Variants in AAK1 observed in about 807,000 individuals in gnomAD.
The protein encoded by AAK1 is AP2-associated protein kinase 1.
Under a neutral mutation model 116.0 loss-of-function variants are expected in AAK1, and 37 were observed. The observed-to-expected ratio is 0.32, with a 90% CI of 0.25 to 0.42. AAK1 has a LOEUF of 0.42. Ranked by LOEUF, AAK1 falls within the 10% of genes least tolerant of loss-of-function variation. The pLI, the probability that AAK1 is intolerant of heterozygous loss-of-function variation, is 1.00. For synonymous variants in AAK1, 458 were observed against 439.9 expected (o/e 1.04, Z -0.51); for missense variants, 919 against 1,170.6 (o/e 0.79, Z 3.14).
At chr2:69,594,384 T>C (rs77119032) in intron 2 of AAK1, among the ~76,000 whole-genome samples, 6,707 of 152,276 alleles carry the variant, frequency 0.044, 405 homozygotes, top group East Asian at 0.16. Context: ...AGAAAACGTA[T>C]CAAAATTTGA....
chr2:69,485,763 C>A lies in AAK1; in HGVS notation c.2366-2951G>T, dbSNP rs1390360112. On this transcript the variant is annotated intron_variant, in intron 17 of 21. Transcript: ENST00000409085. ...GCAACCTCCCTCTCCCATGTTCAAG[C>A]GATTCTCCTGCCTCAGTCTCCAGTA... is the stretch of plus-strand genomic sequence containing the variant. 2.0e-5 allele frequency among the ~76,000 whole-genome samples: 3 copies of A among 151,436 alleles called. No individual in the cohort carries two copies. In the East Asian group the frequency reaches 5.8e-4, roughly 29 times the overall value.
chr2:69,541,129 A>G (rs542780330), intron 5 of AAK1, among the ~76,000 whole-genome samples: 1 of 152,032 alleles, frequency 6.6e-6, no homozygotes, highest in Non-Finnish European at 1.5e-5. Flanking sequence ...TAATGGATAC[A>G]GGGTTTCTTT....
At chr2:69,491,509 A>G (rs1487999334) in intron 17 of AAK1, among the ~76,000 whole-genome samples, 1 of 152,182 alleles carries the variant, frequency 6.6e-6, no homozygotes, top group African/African-American at 2.4e-5. Context: ...CCAACCTACA[A>G]TTATCCAGTG....
At chr2:69,624,827 A>T (rs1025282381) in intron 2 of AAK1, among the ~76,000 whole-genome samples, 4 of 152,230 alleles carry the variant, frequency 2.6e-5, no homozygotes, top group Non-Finnish European at 4.4e-5. Context: ...TTCCATAAAT[A>T]GAAATGGAAT....
intron 16 of AAK1, 63 bp from the exon 17 acceptor site, chr2:69,496,143 C>A: frequency 8.5e-7 from 1 of 1,181,584 alleles, no homozygotes; most frequent in Non-Finnish European, 1.2e-6. Context: ...GCAATAACAC[C>A]AAGTAAATCT....
intron 2 of AAK1, 41 bp from the exon 3 acceptor site, chr2:69,557,019 C>G (rs758473453): frequency 1.3e-6 from 2 of 1,510,480 alleles, no homozygotes; most frequent in South Asian, 2.3e-5. Flanking sequence ...AGTCAATGTT[C>G]AAAAAGTCAG....
At chr2:69,491,279 T>C (rs1234852996) in intron 17 of AAK1, among the ~76,000 whole-genome samples, 1 of 152,104 alleles carries the variant, frequency 6.6e-6, no homozygotes, top group Non-Finnish European at 1.5e-5. Flanking sequence ...GTACTACTTA[T>C]AGCTTATCTG....
chr2:69,493,051 A>G (rs1373279168), intron 17 of AAK1, among the ~76,000 whole-genome samples: 1 of 150,968 alleles, frequency 6.6e-6, no homozygotes, highest in Non-Finnish European at 1.5e-5. Context: ...AAAAGGATGC[A>G]GTAAGGCTGA....
At chr2:69,590,346 A>G (rs2105168578) in intron 2 of AAK1, among the ~76,000 whole-genome samples, 1 of 152,364 alleles carries the variant, frequency 6.6e-6, no homozygotes, top group South Asian at 2.1e-4. Context: ...ATTAAAGCAG[A>G]GGACACTGGG....
Position 69,473,565 on chromosome 2 carries a change from G to A in AAK1, c.*2304C>T, listed in dbSNP as rs199525884. Reference sequence around the variant, plus strand: ...TCTAGTCTGCTCATTTTCATTAACTGCCTCCATTAAGCTTTACTGAGCCAA... The same window carrying A: ...TCTAGTCTGCTCATTTTCATTAACTACCTCCATTAAGCTTTACTGAGCCAA... On this transcript the variant is annotated 3_prime_UTR_variant, in exon 22 of 22. Coordinates refer to ENST00000409085, the MANE Select transcript of AAK1 (RefSeq NM_014911.5). 3.9e-5 allele frequency: 38 copies of A among 985,196 alleles called. No homozygotes were observed. The highest frequency in any genetic ancestry group is 5.2e-4 in the Middle Eastern group (1 of 1,914). The allele number at this position is 985,196 out of a possible 1,614,324, so 61.0% of individuals were successfully genotyped here.
chr2:69,544,846 G>C (rs1454401851), intron 3 of AAK1, among the ~76,000 whole-genome samples: 1 of 152,166 alleles, frequency 6.6e-6, no homozygotes, highest in East Asian at 1.9e-4. Context: ...TAGAAGCAAA[G>C]ACTCCCCTCT....
rs1396877968 is a variant in AAK1 at position 69,518,939 on chromosome 2, C to T, written c.1497+15G>A. 6.5e-7 allele frequency: 1 copy of T among 1,530,578 alleles called. No individual in the cohort carries two copies. The highest frequency in any genetic ancestry group is 2.5e-5 in the East Asian group (1 of 40,712). The allele number at this position is 1,530,578 out of a possible 1,614,324, so 94.8% of individuals were successfully genotyped here. On this transcript the variant is annotated intron_variant, in intron 12 of 21. Transcript: ENST00000409085. ...CTCAGATATGCAAGCAAGGGCCACA[C>T]TCTGACCACCTTACCTGCTGAGTCT...
chr2:69,560,182 T>C (rs1671573949), intron 2 of AAK1, among the ~76,000 whole-genome samples: 1 of 152,246 alleles, frequency 6.6e-6, no homozygotes, highest in African/African-American at 2.4e-5. Flanking sequence ...CTAAAGATGT[T>C]GGTCACTATC....
chr2:69,526,250 G>A (rs1199886093), intron 9 of AAK1, among the ~76,000 whole-genome samples: 1 of 152,158 alleles, frequency 6.6e-6, no homozygotes, highest in Non-Finnish European at 1.5e-5. Flanking sequence ...TCTGACTCAA[G>A]CTTATTAGTA....
rs1558879177 is a variant in AAK1, at chr2:69,463,577, T to C, written c.*12292A>G. On this transcript the variant is annotated 3_prime_UTR_variant, in exon 22 of 22. Transcript: ENST00000409085. ...CCCAGGCCAGAGTGCAGTGGCGCAA[T>C]CTCTGCTCACTGCAACCTCTGCCTC... 6.6e-6 allele frequency: 1 copy of C among 152,370 alleles called. No homozygotes were observed. Among genetic ancestry groups the C allele is most frequent in the Non-Finnish European group, 1.5e-5 (1 of 68,156 alleles). The allele number at this position is 152,370 out of a possible 1,614,324, so 9.4% of individuals were successfully genotyped here.
intron 17 of AAK1, among the ~76,000 whole-genome samples, chr2:69,485,442 C>T (rs1432723146): frequency 6.6e-6 from 1 of 152,166 alleles, no homozygotes; most frequent in Non-Finnish European, 1.5e-5. Flanking sequence ...TCAATACTAT[C>T]TCCTGTAAGC....
In AAK1 at chr2:69,505,662, C is replaced by A. The variant is rs766166655; in HGVS notation, c.2176G>T (p.Glu726Ter). The A allele has an allele frequency of 6.2e-7, 1 of 1,613,242 alleles. No homozygotes were observed. The highest frequency in any genetic ancestry group is 8.5e-7 in the Non-Finnish European group (1 of 1,179,566). ...CTCTCAGCTGAGCCTCCAAGCTTCT[C>A]GGGATGTTTGCCTGGAGAGACAAAA... The part of the protein sequence containing the change: ...FAKLGEGKHP[E>*]KLGGSAESLI... Residue 726 changes from glutamate to a stop codon, truncating the protein, a stop_gained, in exon 16 of 22, where the codon GAG (glutamate) becomes TAG (stop). Coordinates refer to ENST00000409085, the MANE Select transcript of AAK1 (RefSeq NM_014911.5). LOFTEE classifies it high-confidence loss of function.
At chr2:69,537,738 C>T (rs370672201) in intron 5 of AAK1, among the ~76,000 whole-genome samples, 19 of 152,292 alleles carry the variant, frequency 1.2e-4, no homozygotes, top group African/African-American at 3.9e-4. Flanking sequence ...GCTGCAGATG[C>T]GCAGACAACT....
At chr2:69,589,708 CAA>C (rs762986666) in intron 2 of AAK1, among the ~76,000 whole-genome samples, 10 of 58,678 alleles carry the variant, frequency 1.7e-4, no homozygotes, top group African/African-American at 2.1e-4. Context: ...AACTCTGTCT[CAA>C]AAAAAAAAAA....
Sources: allele counts gnomAD v4.1 joint callset (sites outside exome capture counted in the v4.1 genomes callset), GRCh38; gene constraint gnomAD v4.1.1; transcripts MANE v1.5; gene names NCBI Gene and HGNC (gene_info 2026-07-23, HGNC 2026-07-21).